CDC42BPA: variants seen among roughly 807,000 people sequenced by gnomAD.
The protein encoded by CDC42BPA is serine/threonine-protein kinase MRCK alpha.
Under a neutral mutation model 223.5 loss-of-function variants are expected in CDC42BPA, and 80 were observed. The observed-to-expected ratio is 0.36, with a 90% confidence interval of 0.30 to 0.43. CDC42BPA has a LOEUF of 0.43. Ranked by LOEUF, CDC42BPA falls within the 20% of genes least tolerant of loss-of-function variation. CDC42BPA has a pLI of 1.00. For synonymous variants in CDC42BPA, 694 were observed against 718.6 expected (o/e 0.97, Z 0.55); for missense variants, 1,743 against 2,099.9 (o/e 0.83, Z 3.32).
chr1:227,282,851 A>G (rs1376959369), intron 1 of CDC42BPA, among the ~76,000 whole-genome samples: 2 of 152,246 alleles, frequency 1.3e-5, no homozygotes, highest in Admixed American at 6.5e-5. Context: ...AAGTGGGAGT[A>G]AAGTCATTTT....
intron 10 of CDC42BPA, among the ~76,000 whole-genome samples, chr1:227,135,188 G>C (rs1391530178): frequency 6.6e-6 from 1 of 152,166 alleles, no homozygotes; most frequent in Non-Finnish European, 1.5e-5. Context: ...GAGGATGTGT[G>C]GGGATGGTGC....
intron 28 of CDC42BPA, 79 bp from the exon 29 acceptor site, chr1:227,030,549 T>C (rs1169394404): frequency 2.4e-6 from 2 of 840,078 alleles, no homozygotes; most frequent in Admixed American, 2.6e-5. Flanking sequence ...ATAAGAACAT[T>C]TGGTGCAAAA....
chr1:226,995,073 G>A, intron 35 of CDC42BPA, 93 bp from the exon 36 acceptor site: 1 of 1,165,712 alleles, frequency 8.6e-7, no homozygotes, highest in Non-Finnish European at 1.2e-6. Context: ...GCCATCCTTT[G>A]CAGGCCCCAG....
chr1:227,034,551 AT>A (rs1209504569), intron 26 of CDC42BPA, 103 bp downstream of exon 26: 2 of 1,042,536 alleles, frequency 1.9e-6, no homozygotes, highest in African/African-American at 3.2e-5. Flanking sequence ...AAAATACGAA[AT>A]TAGTTCATTT....
intron 5 of CDC42BPA, among the ~76,000 whole-genome samples, chr1:227,186,599 G>C (rs1320017654): frequency 6.6e-6 from 1 of 152,126 alleles, no homozygotes; most frequent in Non-Finnish European, 1.5e-5. Context: ...ACTAAAGATT[G>C]GGACCTAATC....
intron 6 of CDC42BPA, among the ~76,000 whole-genome samples, chr1:227,151,468 T>A (rs1272293313): frequency 2.6e-5 from 4 of 152,206 alleles, no homozygotes; most frequent in Non-Finnish European, 4.4e-5. Context: ...TTCAACTCCT[T>A]GCTTTCACTT....
chr1:227,088,789 G>A (rs1682484281), intron 16 of CDC42BPA, among the ~76,000 whole-genome samples: 1 of 152,008 alleles, frequency 6.6e-6, no homozygotes, highest in Non-Finnish European at 1.5e-5. Context: ...GCAGTGGTGC[G>A]ATCTCGGCTC....
chr1:227,197,656 A>G (rs1453732946), intron 4 of CDC42BPA, among the ~76,000 whole-genome samples: 1 of 152,162 alleles, frequency 6.6e-6, no homozygotes, highest in East Asian at 1.9e-4. Flanking sequence ...ACAAAATTAT[A>G]TAATTATTTC....
rs1464586226 is a variant in CDC42BPA at position 227,055,617 on chromosome 1, T to C, written c.2905-3632A>G. Among the ~76,000 whole-genome samples the C allele has an allele frequency of 2.0e-5, 3 of 152,254 alleles. No individual in the cohort carries two copies. The East Asian group carries it at 5.8e-4, about 29-fold the overall frequency. Reference sequence around the variant, plus strand: ...ACCTTAAAAACAAACATAATCATTATTAATATTTTAGCCATGGAAGTTAAA... The same window carrying C: ...ACCTTAAAAACAAACATAATCATTACTAATATTTTAGCCATGGAAGTTAAA... On this transcript the variant is annotated intron_variant, in intron 21 of 36. Coordinates refer to ENST00000366766, the MANE Select transcript of CDC42BPA (RefSeq NM_001394014.1).
chr1:227,119,901 T>G lies in CDC42BPA; in HGVS notation c.1550A>C (p.Asn517Thr). The stretch of plus-strand genomic sequence containing the variant: ...ATCATCTAGTTCTTGCCTCACAGCA[T>G]TAGCTTCTTCAAGTTGCTGTTCCAA... ...SHLEQQLEEANAVRQELDDAF... is the reference protein window; with the variant it reads ...SHLEQQLEEATAVRQELDDAF... Residue 517 changes from asparagine (N) to threonine (T), a missense_variant, in exon 12 of 37, where the codon AAT becomes ACT. Physicochemically the swap from Asn to Thr is moderately conservative, Grantham distance 65. Transcript: ENST00000366766. The G allele has an allele frequency of 6.3e-7, 1 of 1,597,854 alleles. No homozygotes were observed. Among genetic ancestry groups the G allele is most frequent in the Non-Finnish European group, 8.5e-7 (1 of 1,173,202 alleles).
intron 35 of CDC42BPA, among the ~76,000 whole-genome samples, chr1:226,995,648 ACTCT>A (rs1661463579): frequency 2.0e-5 from 3 of 151,898 alleles, no homozygotes; most frequent in South Asian, 4.2e-4. Flanking sequence ...CTTCAAACTC[ACTCT>A]CTATTTTGTT....
At chr1:227,021,559 A>G (rs890841809) in intron 32 of CDC42BPA, among the ~76,000 whole-genome samples, 1 of 152,208 alleles carries the variant, frequency 6.6e-6, no homozygotes, top group African/African-American at 2.4e-5. Context: ...CCAGAAATCA[A>G]GCAATTTTGT....
rs531977910 is a variant in CDC42BPA at position 227,060,384 on chromosome 1, A to G, written c.2905-8399T>C. Reference sequence around the variant, plus strand: ...TTTCTAACATTCAGTGCAACCTAACATTTGTTGTGAGCTCACAATACGTTG... The same window carrying G: ...TTTCTAACATTCAGTGCAACCTAACGTTTGTTGTGAGCTCACAATACGTTG... On this transcript the variant is annotated intron_variant, in intron 21 of 36. Transcript: ENST00000366766. 7.9e-5 allele frequency among the ~76,000 whole-genome samples: 12 copies of G among 152,222 alleles called. No homozygotes were observed. In the East Asian group the frequency reaches 2.3e-3, roughly 29 times the overall value.
chr1:227,302,162 TCC>T (rs1158019497), intron 1 of CDC42BPA, among the ~76,000 whole-genome samples: 1 of 152,202 alleles, frequency 6.6e-6, no homozygotes, highest in Non-Finnish European at 1.5e-5. Context: ...GCATTGTATC[TCC>T]TGCTTCCTAT....
chr1:227,113,974 C>T (rs900852690), intron 12 of CDC42BPA, among the ~76,000 whole-genome samples: 9 of 144,028 alleles, frequency 6.2e-5, no homozygotes, highest in African/African-American at 2.4e-4. Context: ...GCTGAGATCA[C>T]TCCATTGCAC....
intron 2 of CDC42BPA, among the ~76,000 whole-genome samples, chr1:227,231,374 A>G (rs1161474841): frequency 6.6e-6 from 1 of 151,706 alleles, no homozygotes; most frequent in East Asian, 1.9e-4. Context: ...TCTTAATCCA[A>G]TCTATCATTC....
chr1:227,215,327 T>C (rs2150384373), intron 2 of CDC42BPA, among the ~76,000 whole-genome samples: 1 of 152,322 alleles, frequency 6.6e-6, no homozygotes, highest in East Asian at 1.9e-4. Context: ...TGGGTTTGAA[T>C]CCTAGTTTTG....
At chr1:227,108,482 ATCT>A (rs1183266478) in intron 14 of CDC42BPA, among the ~76,000 whole-genome samples, 1 of 151,944 alleles carries the variant, frequency 6.6e-6, no homozygotes, top group Non-Finnish European at 1.5e-5. Context: ...TACGACTTCA[ATCT>A]TCTTCCATTT....
chr1:227,318,485 T>G lies in CDC42BPA; in HGVS notation c.-1303A>C, dbSNP rs1034885508. On this transcript the variant is annotated 5_prime_UTR_variant, in exon 1 of 37. Coordinates refer to ENST00000366766, the MANE Select transcript of CDC42BPA (RefSeq NM_001394014.1). ...GCGGAGGCTTGCGGACGAGTCTGGA[T>G]CCAATATGGCGGCCTGGCCCCCCGG... The G allele has an allele frequency of 6.6e-6, 1 of 151,970 alleles. No individual in the cohort carries two copies. Among genetic ancestry groups the G allele is most frequent in the African/African-American group, 2.4e-5 (1 of 41,296 alleles). The allele number at this position is 151,970 out of a possible 1,614,324, so 9.4% of individuals were successfully genotyped here.
Sources: gnomAD v4.1 joint callset for allele counts (sites outside exome capture counted in the v4.1 genomes callset) on GRCh38, gnomAD v4.1.1 for gene constraint, MANE v1.5 for transcripts, NCBI Gene and HGNC (gene_info 2026-07-23, HGNC 2026-07-21) for gene names.